Variants in KCNIP3 observed in about 807,000 individuals in gnomAD.
KCNIP3 encodes calsenilin.
A neutral mutation model predicts 35.0 loss-of-function variants in KCNIP3; 28 were observed. The ratio of observed to expected loss-of-function variants is 0.80; its 90% CI spans 0.59 to 1.10. KCNIP3 has a LOEUF of 1.10. KCNIP3 is among the 50% of genes least tolerant of loss of function. KCNIP3 has a pLI of 0.00. For missense variants in KCNIP3, 295 were observed against 338.4 expected (o/e 0.87, Z 1.01); for synonymous variants, 134 against 133.8 (o/e 1.00, Z -0.01).
intron 1 of KCNIP3, 52 bp downstream of exon 1, chr2:95,297,505 A>C (rs1436869662): frequency 1.7e-4 from 177 of 1,050,836 alleles, no homozygotes; most frequent in East Asian, 4.7e-4. Context: ...GGGGGGAGGA[A>C]TGGAGGCTTC....
At chr2:95,305,244 T>G (rs1478440518) in intron 1 of KCNIP3, among the ~76,000 whole-genome samples, 2 of 152,208 alleles carry the variant, frequency 1.3e-5, no homozygotes, top group East Asian at 3.8e-4. Flanking sequence ...CTTTTGATCA[T>G]TCGTGAATAT....
intron 2 of KCNIP3, among the ~76,000 whole-genome samples, chr2:95,316,310 GCACCGCA>G (rs1678459574): frequency 6.6e-6 from 1 of 152,242 alleles, no homozygotes; most frequent in Non-Finnish European, 1.5e-5. Context: ...GGCCCGCCGG[GCACCGCA>G]CCTTCCTTTA....
At chr2:95,371,806 C>CT (rs71831118) in intron 2 of KCNIP3, among the ~76,000 whole-genome samples, 20,625 of 136,256 alleles carry the variant, frequency 0.15, 1,833 homozygotes, top group East Asian at 0.28. Flanking sequence ...TATTTTAAAT[C>CT]TTTTTTTTTT....
At chr2:95,340,213 T>C (rs1679161069) in intron 2 of KCNIP3, among the ~76,000 whole-genome samples, 1 of 152,178 alleles carries the variant, frequency 6.6e-6, no homozygotes, top group African/African-American at 2.4e-5. Context: ...GGTGCATGCC[T>C]GTAATCCCAG....
chr2:95,366,245 G>A (rs2104291123), intron 2 of KCNIP3, among the ~76,000 whole-genome samples: 1 of 152,286 alleles, frequency 6.6e-6, no homozygotes, highest in East Asian at 1.9e-4. Flanking sequence ...CTCTTTCCCT[G>A]TAATTTTCTG....
intron 2 of KCNIP3, among the ~76,000 whole-genome samples, chr2:95,314,266 A>T (rs1313586213): frequency 2.0e-5 from 3 of 152,248 alleles, no homozygotes; most frequent in Non-Finnish European, 4.4e-5. Flanking sequence ...GATACAATTG[A>T]CATCATGAAG....
chr2:95,380,806 G>C (rs569219453), intron 5 of KCNIP3, among the ~76,000 whole-genome samples: 1 of 152,178 alleles, frequency 6.6e-6, no homozygotes, highest in African/African-American at 2.4e-5. Context: ...CTTGGGGCCA[G>C]GAGTTGGAGA....
chr2:95,309,719 C>T (rs982614347), intron 1 of KCNIP3, among the ~76,000 whole-genome samples: 34 of 152,164 alleles, frequency 2.2e-4, no homozygotes, highest in Admixed American at 7.9e-4. Context: ...CCACCACGCC[C>T]GGCTGATCCA....
chr2:95,330,673 A>C (rs1219081579), intron 2 of KCNIP3, among the ~76,000 whole-genome samples: 1 of 152,046 alleles, frequency 6.6e-6, no homozygotes, highest in African/African-American at 2.4e-5. Context: ...ACCGATGCAG[A>C]GGGCCCTTTC....
intron 2 of KCNIP3, among the ~76,000 whole-genome samples, chr2:95,334,005 G>A (rs538186410): frequency 6.6e-4 from 100 of 152,196 alleles, no homozygotes; most frequent in Non-Finnish European, 1.2e-3. Flanking sequence ...GGCATCAAGC[G>A]TCCCAGATGG....
chr2:95,338,103 C>A (rs1435084748), intron 2 of KCNIP3, among the ~76,000 whole-genome samples: 2 of 152,138 alleles, frequency 1.3e-5, no homozygotes, highest in Admixed American at 1.3e-4. Flanking sequence ...CCCGAGGCAT[C>A]GGCACAGCCA....
chr2:95,383,463 C>T (rs1680401142), intron 8 of KCNIP3, among the ~76,000 whole-genome samples, 169 bp downstream of exon 8: 1 of 152,126 alleles, frequency 6.6e-6, no homozygotes, highest in Admixed American at 6.5e-5. Flanking sequence ...GCTCCACTTG[C>T]CCTCTTGTCT....
At chr2:95,348,409 C>G (rs1180519454) in intron 2 of KCNIP3, among the ~76,000 whole-genome samples, 1 of 152,172 alleles carries the variant, frequency 6.6e-6, no homozygotes, top group South Asian at 2.1e-4. Context: ...ATTGCCATCC[C>G]CTGTCCCCTT....
At chr2:95,343,867 C>T (rs1346561757) in intron 2 of KCNIP3, among the ~76,000 whole-genome samples, 3 of 152,146 alleles carry the variant, frequency 2.0e-5, no homozygotes, top group Non-Finnish European at 2.9e-5. Context: ...TGTGGGGTGC[C>T]TGTCCAGGTT....
intron 2 of KCNIP3, among the ~76,000 whole-genome samples, chr2:95,331,744 G>A (rs1338807635): frequency 6.6e-6 from 1 of 152,196 alleles, no homozygotes; most frequent in Non-Finnish European, 1.5e-5. Context: ...CTTCTTACCC[G>A]ATCCAGCTGG....
At chr2:95,334,934 G>A (rs1452934622) in intron 2 of KCNIP3, among the ~76,000 whole-genome samples, 2 of 152,202 alleles carry the variant, frequency 1.3e-5, no homozygotes, top group African/African-American at 2.4e-5. Context: ...AATCAAACAG[G>A]TCACTGAGCG....
At chr2:95,352,768 C>T (rs1016997279) in intron 2 of KCNIP3, among the ~76,000 whole-genome samples, 22 of 152,162 alleles carry the variant, frequency 1.4e-4, no homozygotes, top group African/African-American at 4.8e-5. Flanking sequence ...AGGGGCTGGC[C>T]AGGGGGCCAG....
At chr2:95,336,948 G>C (rs1679075992) in intron 2 of KCNIP3, among the ~76,000 whole-genome samples, 1 of 152,124 alleles carries the variant, frequency 6.6e-6, no homozygotes, top group Non-Finnish European at 1.5e-5. Flanking sequence ...CAACATCGCT[G>C]CAGTTGTTCC....
chr2:95,347,236 C>G, intron 2 of KCNIP3: 2 of 874,926 alleles, frequency 2.3e-6, no homozygotes, highest in Middle Eastern at 3.1e-4. Context: ...CGGCCTGGGC[C>G]GCCGCCCCCT....
Sources: allele counts gnomAD v4.1 joint callset (sites outside exome capture counted in the v4.1 genomes callset), GRCh38; gene constraint gnomAD v4.1.1; transcripts MANE v1.5; gene names NCBI Gene and HGNC (gene_info 2026-07-23, HGNC 2026-07-21).